Variants in PRSS23 observed in about 807,000 individuals in gnomAD.
The protein encoded by PRSS23 is protease, serine 23.
Under a neutral mutation model 34.7 loss-of-function variants are expected in PRSS23, and 25 were observed. That is an observed-to-expected ratio of 0.72 (90% CI 0.53 to 1.01). The LOEUF (loss-of-function observed/expected upper bound fraction) is 1.01, where lower values mean the gene tolerates loss of function less well. Ranked by LOEUF, PRSS23 falls within the 50% of genes least tolerant of loss-of-function variation. PRSS23 has a pLI of 0.00. For missense variants in PRSS23, 445 were observed against 475.6 expected (o/e 0.94, Z 0.60); for synonymous variants, 176 against 186.6 (o/e 0.94, Z 0.46).
intron 2 of PRSS23, chr11:86,857,632 G>A (rs1006780229): frequency 3.1e-5 from 16 of 521,094 alleles, no homozygotes; most frequent in African/African-American, 2.1e-4. Context: ...GGTGACAGAT[G>A]GGCAGATGGC....
At chr11:86,867,889 A>AAAAAAAAAAAAAAAAAAAC in intron 2 of PRSS23, among the ~76,000 whole-genome samples, 1 of 151,746 alleles carries the variant, frequency 6.6e-6, no homozygotes, top group African/African-American at 2.4e-5. Flanking sequence ...AAAAAAAAAA[A>AAAAAAAAAAAAAAAAAAAC]AATACAACAG....
chr11:86,821,141 C>G, intron 1 of PRSS23: 1 of 619,386 alleles, frequency 1.6e-6, no homozygotes, highest in East Asian at 6.1e-5. Context: ...TGATTCCCTT[C>G]ATGCTTCACT....
At chr11:86,829,931 T>G (rs1457977880) in intron 2 of PRSS23, among the ~76,000 whole-genome samples, 15 of 151,880 alleles carry the variant, frequency 9.9e-5, no homozygotes, top group South Asian at 4.2e-4. Context: ...GCTGCTCGGG[T>G]GTCAGGGGTC....
chr11:86,853,358 G>A (rs766269831), intron 2 of PRSS23, among the ~76,000 whole-genome samples: 1 of 141,274 alleles, frequency 7.1e-6, no homozygotes, highest in Non-Finnish European at 1.5e-5. Flanking sequence ...AGGTTCAAGC[G>A]ATCTTGTGCC....
intron 2 of PRSS23, among the ~76,000 whole-genome samples, chr11:86,849,158 T>G (rs1287933920): frequency 6.6e-6 from 1 of 152,172 alleles, no homozygotes; most frequent in African/African-American, 2.4e-5. Context: ...CACTTCCTCC[T>G]AAACACTGGC....
At chr11:86,943,721 T>C (rs559101767) in intron 2 of PRSS23, among the ~76,000 whole-genome samples, 1 of 152,280 alleles carries the variant, frequency 6.6e-6, no homozygotes, top group Non-Finnish European at 1.5e-5. Flanking sequence ...TATCACAAAC[T>C]GGGTGGCCAA....
intron 2 of PRSS23, among the ~76,000 whole-genome samples, chr11:86,827,182 G>T (rs962933625): frequency 1.3e-5 from 2 of 152,176 alleles, no homozygotes; most frequent in African/African-American, 4.8e-5. Context: ...CCTGTTATTG[G>T]TCTATACAGA....
chr11:86,916,737 G>A (rs1949015457), intron 2 of PRSS23, among the ~76,000 whole-genome samples: 2 of 151,924 alleles, frequency 1.3e-5, no homozygotes, highest in East Asian at 1.9e-4. Context: ...AATGTGTAGG[G>A]GCCTCCCAGT....
chr11:86,896,823 C>A (rs1442640051), intron 2 of PRSS23, among the ~76,000 whole-genome samples: 1 of 152,244 alleles, frequency 6.6e-6, no homozygotes, highest in Non-Finnish European at 1.5e-5. Context: ...GGAAATTCTT[C>A]ATAACATGCT....
chr11:86,930,789 CA>C (rs56369539), intron 2 of PRSS23, among the ~76,000 whole-genome samples: 109,457 of 123,904 alleles, frequency 0.88, 47,901 homozygotes, highest in Admixed American at 0.92. Context: ...GACTCCGTCT[CA>C]AAAAAAAAAA....
At chr11:86,851,213 T>G (rs549579079) in intron 2 of PRSS23, among the ~76,000 whole-genome samples, 1 of 152,190 alleles carries the variant, frequency 6.6e-6, no homozygotes, top group Non-Finnish European at 1.5e-5. Flanking sequence ...ATATCTGAGT[T>G]GCATTTTGAA....
At position 86,817,847 on chromosome 11, in the gene PRSS23, C is replaced by T. The variant is rs576230584; in HGVS notation, c.-11-5530C>T. On this transcript the variant is annotated intron_variant, in intron 1 of 2. Transcript: ENST00000533902. ...TATGAAGTAGGCATTGATTTTGTAT[C>T]CATGTCAGAGAGGGGCTAATTGAAG... is the stretch of plus-strand genomic sequence containing the variant. 3.7e-4 allele frequency among the ~76,000 whole-genome samples: 56 copies of T among 152,288 alleles called. 1 individual carries two copies. Among genetic ancestry groups the T allele is most frequent in the African/African-American group, 1.3e-3 (54 of 41,558 alleles).
chr11:86,845,617 A>G (rs967961448), intron 2 of PRSS23, among the ~76,000 whole-genome samples: 1 of 152,232 alleles, frequency 6.6e-6, no homozygotes, highest in African/African-American at 2.4e-5. Context: ...ATTTCCCTGC[A>G]TCAGGACTTA....
chr11:86,797,865 CTG>C (rs1390962068), upstream of PRSS23, among the ~76,000 whole-genome samples: 1 of 152,150 alleles, frequency 6.6e-6, no homozygotes, highest in Non-Finnish European at 1.5e-5. Context: ...GAGGAGGAAA[CTG>C]AGGTACAGAA....
chr11:86,929,114 G>A (rs1046795005), intron 2 of PRSS23, among the ~76,000 whole-genome samples: 15 of 152,054 alleles, frequency 9.9e-5, no homozygotes, highest in African/African-American at 3.6e-4. Context: ...CTGAGGTTGG[G>A]AGTTCAGGAC....
chr11:86,914,688 C>A (rs990357860), intron 2 of PRSS23, among the ~76,000 whole-genome samples: 5 of 152,090 alleles, frequency 3.3e-5, no homozygotes, highest in Admixed American at 2.6e-4. Flanking sequence ...CCTTTTTTCC[C>A]CTTTTTAGTT....
At chr11:86,942,215 A>T (rs923262451) in intron 2 of PRSS23, among the ~76,000 whole-genome samples, 1 of 152,210 alleles carries the variant, frequency 6.6e-6, no homozygotes, top group African/African-American at 2.4e-5. Flanking sequence ...AGGATCGGGG[A>T]TGTCTTCCCA....
intron 2 of PRSS23, among the ~76,000 whole-genome samples, chr11:86,929,376 C>T (rs942195271): frequency 2.6e-5 from 4 of 151,024 alleles, no homozygotes; most frequent in African/African-American, 9.7e-5. Context: ...GGTGTAGTGG[C>T]TCATGCCTAT....
rs907104108 is a variant in PRSS23 at position 86,940,160 on chromosome 11, A to T, written c.207-11056A>T. The stretch of plus-strand genomic sequence containing the variant: ...TCCTCCCAAGGACCCTGTCCCCTCC[A>T]CTAACAGTGTCATGCTGACCCTCGG... On this transcript the variant is annotated intron_variant, in intron 2 of 2. Transcript: ENST00000533902. Among the ~76,000 whole-genome samples the T allele has an allele frequency of 4.6e-5, 7 of 152,238 alleles. No homozygotes were observed. In the East Asian group the frequency reaches 1.4e-3, roughly 29 times the overall value.
Sources: allele counts gnomAD v4.1 joint callset (sites outside exome capture counted in the v4.1 genomes callset), GRCh38; gene constraint gnomAD v4.1.1; transcripts MANE v1.5; gene names NCBI Gene and HGNC (gene_info 2026-07-23, HGNC 2026-07-21).